Variants in ENTREP2 observed in about 807,000 individuals in gnomAD.
ENTREP2 encodes the protein protein ENTREP2.
the ENTREP2 span, among the ~76,000 whole-genome samples, chr15:29,210,853 T>TAC: frequency 6.6e-6 from 1 of 152,186 alleles, no homozygotes; most frequent in African/African-American, 2.4e-5. Flanking sequence ...AAATCCCAGG[T>TAC]ACCTTTTAAG....
chr15:29,657,478 G>GGGGGCGGGGC, the ENTREP2 span, among the ~76,000 whole-genome samples: 2 of 110,738 alleles, frequency 1.8e-5, no homozygotes, highest in African/African-American at 7.4e-5. Flanking sequence ...TGTCGGCTGG[G>GGGGGCGGGGC]GGGGCGGGGG....
the ENTREP2 span, chr15:29,124,746 T>A: frequency 6.4e-7 from 1 of 1,550,654 alleles, no homozygotes; most frequent in Non-Finnish European, 8.7e-7. Context: ...CGACGGCCTG[T>A]GTGAAGAGGC....
the ENTREP2 span, among the ~76,000 whole-genome samples, chr15:29,477,958 C>A: frequency 6.9e-6 from 1 of 144,328 alleles, no homozygotes; most frequent in Non-Finnish European, 1.5e-5. Flanking sequence ...TTCCTCATAG[C>A]CACATTAAAA....
chr15:29,655,893 T>C, the ENTREP2 span, among the ~76,000 whole-genome samples: 4 of 151,676 alleles, frequency 2.6e-5, no homozygotes, highest in Non-Finnish European at 5.9e-5. Context: ...GGTGCAGCGG[T>C]GCATGCCTGT....
chr15:29,321,646 T>C, the ENTREP2 span, among the ~76,000 whole-genome samples: 1 of 141,438 alleles, frequency 7.1e-6, no homozygotes, highest in African/African-American at 2.7e-5. Context: ...TGAGACTCTG[T>C]CTCAAAAAAA....
At chr15:29,357,696 G>A in the ENTREP2 span, among the ~76,000 whole-genome samples, 13 of 151,862 alleles carry the variant, frequency 8.6e-5, no homozygotes, top group African/African-American at 2.4e-4. Flanking sequence ...AAAATTAGCC[G>A]GGCGTGGTGG....
At chr15:29,426,023 A>G in the ENTREP2 span, among the ~76,000 whole-genome samples, 4 of 150,300 alleles carry the variant, frequency 2.7e-5, no homozygotes, top group Admixed American at 2.7e-4. Flanking sequence ...TTGAATTTAT[A>G]TAATTATTAC....
chr15:29,413,927 T>G, the ENTREP2 span, among the ~76,000 whole-genome samples: 1,791 of 152,136 alleles, frequency 0.012, 39 homozygotes, highest in African/African-American at 0.042. Context: ...GGTAAAGGGA[T>G]CAATGCAACA....
At chr15:29,431,335 C>G in the ENTREP2 span, among the ~76,000 whole-genome samples, 3 of 152,126 alleles carry the variant, frequency 2.0e-5, no homozygotes, top group Non-Finnish European at 4.4e-5. Context: ...TTTTATGAAT[C>G]TAAAATTTTG....
At chr15:29,247,798 TCATCCTCCTG>T in the ENTREP2 span, among the ~76,000 whole-genome samples, 1 of 152,156 alleles carries the variant, frequency 6.6e-6, no homozygotes, top group African/African-American at 2.4e-5. Context: ...AAGCAAATTA[TCATCCTCCTG>T]TATCCAATTA....
chr15:29,198,950 A>ATAT, the ENTREP2 span, among the ~76,000 whole-genome samples: 3 of 152,244 alleles, frequency 2.0e-5, no homozygotes, highest in African/African-American at 7.2e-5. Flanking sequence ...TCACTGTTGT[A>ATAT]TATTACATTG....
chr15:29,312,440 G>A, the ENTREP2 span, among the ~76,000 whole-genome samples: 1 of 152,094 alleles, frequency 6.6e-6, no homozygotes, highest in Non-Finnish European at 1.5e-5. Context: ...CAGATGTTGA[G>A]TTTTTTTACG....
At chr15:29,458,990 CAGA>C in the ENTREP2 span, among the ~76,000 whole-genome samples, 1 of 152,182 alleles carries the variant, frequency 6.6e-6, no homozygotes, top group East Asian at 1.9e-4. Context: ...TTCCCAGGCG[CAGA>C]GCAAGAGGAA....
At chr15:29,669,164 C>T in the ENTREP2 span, among the ~76,000 whole-genome samples, 25 of 152,180 alleles carry the variant, frequency 1.6e-4, no homozygotes, top group East Asian at 5.8e-4. Flanking sequence ...GCCAAGATTG[C>T]GCCGCTGAAC....
At chr15:29,371,898 G>A in the ENTREP2 span, among the ~76,000 whole-genome samples, 1 of 135,148 alleles carries the variant, frequency 7.4e-6, no homozygotes, top group East Asian at 2.1e-4. Flanking sequence ...GTAAGAGAAG[G>A]CAAAAATAAA....
At chr15:29,628,753 T>C in the ENTREP2 span, among the ~76,000 whole-genome samples, 1 of 152,110 alleles carries the variant, frequency 6.6e-6, no homozygotes, top group Non-Finnish European at 1.5e-5. Context: ...TGGTTGCATC[T>C]TTATTTATTT....
At chr15:29,571,756 A>G in the ENTREP2 span, among the ~76,000 whole-genome samples, 1 of 152,192 alleles carries the variant, frequency 6.6e-6, no homozygotes, top group Non-Finnish European at 1.5e-5. Context: ...CTCCCTTGGA[A>G]TACCGGGAAA....
At chr15:29,270,684 C>G in the ENTREP2 span, among the ~76,000 whole-genome samples, 1 of 152,172 alleles carries the variant, frequency 6.6e-6, no homozygotes, top group African/African-American at 2.4e-5. Context: ...GGATTTATCT[C>G]TCATCTATGA....
chr15:29,630,662 T>C, the ENTREP2 span, among the ~76,000 whole-genome samples: 1 of 152,124 alleles, frequency 6.6e-6, no homozygotes, highest in African/African-American at 2.4e-5. Context: ...GTTCATTTTT[T>C]TCCCCCAGGC....
Sources: allele counts gnomAD v4.1 joint callset (sites outside exome capture counted in the v4.1 genomes callset), GRCh38; gene constraint gnomAD v4.1.1; transcripts MANE v1.5; gene names NCBI Gene and HGNC (gene_info 2026-07-23, HGNC 2026-07-21).